PUM1: variants seen among roughly 807,000 people sequenced by gnomAD.
PUM1 encodes pumilio homolog 1.
PUM1 carries 13 observed loss-of-function variants against 131.8 expected under a neutral mutation model. The observed-to-expected ratio is 0.10, with a 90% CI of 0.06 to 0.16. PUM1 has a LOEUF of 0.16. Ranked by LOEUF, PUM1 falls within the 10% of genes least tolerant of loss-of-function variation. The pLI is 1.00. For missense variants in PUM1, 961 were observed against 1,512.4 expected, an observed-to-expected ratio of 0.64 and a Z score of 6.05; for synonymous variants, 509 against 556.5, an observed-to-expected ratio of 0.91 and a Z score of 1.20.
At chr1:31,038,771 G>A (rs1481243934) in intron 2 of PUM1, among the ~76,000 whole-genome samples, 1 of 151,518 alleles carries the variant, frequency 6.6e-6, no homozygotes, top group Non-Finnish European at 1.5e-5. Context: ...CATGCCCTTT[G>A]ATCTGGTAAT....
chr1:31,044,225 C>A (rs897838233), intron 2 of PUM1, among the ~76,000 whole-genome samples: 54 of 151,966 alleles, frequency 3.6e-4, no homozygotes, highest in Non-Finnish European at 5.9e-4. Flanking sequence ...CACTGTGAAA[C>A]CCCGTCTCAA....
chr1:31,021,139 T>C (rs1643012100), intron 3 of PUM1, among the ~76,000 whole-genome samples: 1 of 152,258 alleles, frequency 6.6e-6, no homozygotes, highest in Admixed American at 6.5e-5. Context: ...AAAATGCCTT[T>C]ATATATCGGA....
At chr1:31,058,055 G>T (rs1416107417) in intron 2 of PUM1, among the ~76,000 whole-genome samples, 1 of 152,074 alleles carries the variant, frequency 6.6e-6, no homozygotes, top group African/African-American at 2.4e-5. Context: ...TCCCACTATG[G>T]TTTTAGATTA....
rs1391930005 is a variant in PUM1 at position 30,931,596 on chromosome 1, C to G, written c.*1615G>C. 6.6e-6 allele frequency: 1 copy of G among 152,534 alleles called. No individual in the cohort carries two copies. The highest frequency in any genetic ancestry group is 1.5e-5 in the Non-Finnish European group (1 of 68,026). The allele number at this position is 152,534 out of a possible 1,614,324, so 9.4% of individuals were successfully genotyped here. ...GAGTTACAAAAAATAGTTGCCCAGG[C>G]ATAAGCATACACAGGTTTGTTAATT... On this transcript the variant is annotated 3_prime_UTR_variant, in exon 22 of 22. Transcript: ENST00000426105.
At chr1:31,022,172 T>TA (rs67535393) in intron 3 of PUM1, among the ~76,000 whole-genome samples, 32 of 150,884 alleles carry the variant, frequency 2.1e-4, no homozygotes, top group Admixed American at 1.4e-3. Flanking sequence ...TCTGCTCATC[T>TA]AAAAAAAAAT....
rs557655983 is a variant in PUM1, at chr1:30,967,421, G to T, written c.1646-111C>A. 12 of 1,019,660 alleles carry T rather than the reference G, an allele frequency of 1.2e-5. No homozygotes were observed. In the South Asian group the frequency reaches 1.6e-4, roughly 13 times the overall value. The allele number at this position is 1,019,660 out of a possible 1,614,324, so 63.2% of individuals were successfully genotyped here. A position where few individuals can be genotyped will look rare whatever the true frequency, so the allele number is the denominator to read the frequency against. ...CTCAGCTTTGAGGTTGAATTGGCCA[G>T]ATTTATATACTGGCTCCATCACTTA... On this transcript the variant is annotated intron_variant, in intron 11 of 21. Transcript: ENST00000426105.
chr1:30,993,494 A>G (rs1446424231), intron 6 of PUM1, among the ~76,000 whole-genome samples: 1 of 152,170 alleles, frequency 6.6e-6, no homozygotes, highest in Non-Finnish European at 1.5e-5. Flanking sequence ...TAAACAGAAG[A>G]GTGTAACCTG....
intron 14 of PUM1, 98 bp from the exon 15 acceptor site, chr1:30,954,079 T>A (rs1309260471): frequency 1.6e-6 from 2 of 1,286,296 alleles, no homozygotes; most frequent in African/African-American, 3.0e-5. Flanking sequence ...GCACCATTTC[T>A]GATTTCTTCA....
At chr1:30,940,375 C>T (rs1639394520) in intron 20 of PUM1, among the ~76,000 whole-genome samples, 1 of 152,120 alleles carries the variant, frequency 6.6e-6, no homozygotes, top group South Asian at 2.1e-4. Flanking sequence ...ACTTGAAAGC[C>T]TGAGGTAGGA....
intron 2 of PUM1, among the ~76,000 whole-genome samples, chr1:31,042,427 T>A (rs78040744): frequency 0.021 from 3,194 of 152,236 alleles, 126 homozygotes; most frequent in African/African-American, 0.072. Flanking sequence ...CTAACTTTTT[T>A]AAAAATTAAA....
chr1:31,060,803 T>C (rs556916805), intron 1 of PUM1, among the ~76,000 whole-genome samples: 1 of 151,880 alleles, frequency 6.6e-6, no homozygotes, highest in Non-Finnish European at 1.5e-5. Context: ...GGAGAATCGT[T>C]TGAACCCGGG....
intron 7 of PUM1, among the ~76,000 whole-genome samples, chr1:30,989,930 A>G (rs1272683535): frequency 6.6e-6 from 1 of 152,224 alleles, no homozygotes; most frequent in East Asian, 1.9e-4. Flanking sequence ...CATTTTTCTC[A>G]TGAGAGAGAC....
intron 16 of PUM1, 152 bp downstream of exon 16, chr1:30,952,082 G>C (rs772240237): frequency 1.5e-6 from 1 of 669,084 alleles, no homozygotes; most frequent in Non-Finnish European, 2.6e-6. Context: ...TGCTGCTAAT[G>C]AATTGGAAAA....
intron 3 of PUM1, among the ~76,000 whole-genome samples, chr1:31,011,610 T>C (rs1262788828): frequency 6.6e-6 from 1 of 152,230 alleles, no homozygotes; most frequent in Non-Finnish European, 1.5e-5. Flanking sequence ...CAGTAAGCTC[T>C]CTGGAGGTAA....
intron 6 of PUM1, among the ~76,000 whole-genome samples, chr1:30,994,252 G>C (rs1297759060): frequency 6.6e-6 from 1 of 151,954 alleles, no homozygotes; most frequent in Non-Finnish European, 1.5e-5. Flanking sequence ...GGGTGTGAGT[G>C]TGTGCATGCA....
intron 3 of PUM1, among the ~76,000 whole-genome samples, chr1:31,025,499 AT>A (rs1464160126): frequency 6.7e-6 from 1 of 148,166 alleles, no homozygotes; most frequent in East Asian, 2.0e-4. Flanking sequence ...AAGTCATGCA[AT>A]TTACTTCTAG....
At chr1:30,967,837 C>A (rs933035204) in intron 11 of PUM1, among the ~76,000 whole-genome samples, 5 of 152,200 alleles carry the variant, frequency 3.3e-5, no homozygotes, top group African/African-American at 1.2e-4. Flanking sequence ...ATGCAAAGCA[C>A]CAAACCAGCT....
chr1:30,969,750 C>T (rs1233265894), intron 10 of PUM1, among the ~76,000 whole-genome samples: 2 of 152,044 alleles, frequency 1.3e-5, no homozygotes, highest in South Asian at 2.1e-4. Flanking sequence ...CACTGTAACC[C>T]CTGCATCCCA....
chr1:30,963,500 T>A, intron 14 of PUM1, among the ~76,000 whole-genome samples: 1 of 152,328 alleles, frequency 6.6e-6, no homozygotes, highest in East Asian at 1.9e-4. Flanking sequence ...TATATAAACA[T>A]AGTTTTGACT....
Sources: gnomAD v4.1 joint callset for allele counts (sites outside exome capture counted in the v4.1 genomes callset) on GRCh38, gnomAD v4.1.1 for gene constraint, MANE v1.5 for transcripts, NCBI Gene and HGNC (gene_info 2026-07-23, HGNC 2026-07-21) for gene names.